The following EBF1 variants were observed in gnomAD, a reference collection of about 807,000 sequenced individuals.
The protein encoded by EBF1 is EBF transcription factor 1, also known as transcription factor COE1.
In EBF1, 10 loss-of-function variants were observed where a neutral mutation model predicts 68.4. The ratio of observed to expected loss-of-function variants is 0.15; its 90% CI spans 0.09 to 0.25. The LOEUF (loss-of-function observed/expected upper bound fraction) is 0.25, where lower values mean the gene tolerates loss of function less well. Ranked by LOEUF, EBF1 falls within the 10% of genes least tolerant of loss-of-function variation. The probability of loss-of-function intolerance (pLI) is 1.00; values close to 1 mark genes in which losing one functional copy is unlikely to be tolerated. For missense variants in EBF1, 509 were observed against 794.4 expected, an observed-to-expected ratio of 0.64 and a Z score of 4.32; for synonymous variants, 298 against 299.8, an observed-to-expected ratio of 0.99 and a Z score of 0.06.
chr5:159,059,363 GA>G (rs1328897886), intron 6 of EBF1, among the ~76,000 whole-genome samples: 2,145 of 142,038 alleles, frequency 0.015, 137 homozygotes, highest in Admixed American at 0.11. Flanking sequence ...ACAATTTGAT[GA>G]AAAAAAAAAA....
rs540551796 is a variant in EBF1 at position 159,077,091 on chromosome 5, G to A, written c.486-3627C>T. On this transcript the variant is annotated intron_variant, in intron 5 of 15. Transcript: ENST00000313708. ...GGAAGAGACAGTTTTTACAAGTATGGTTCACTCCCTCACTTCATTCAAGTC... is the reference window on the plus strand; with the variant it reads ...GGAAGAGACAGTTTTTACAAGTATGATTCACTCCCTCACTTCATTCAAGTC... Among the ~76,000 whole-genome samples the A allele has an allele frequency of 1.5e-4, 23 of 152,252 alleles. No homozygotes were observed. In the South Asian group the frequency reaches 4.8e-3, roughly 32 times the overall value.
At chr5:158,825,912 C>T (rs1310157347) in intron 7 of EBF1, among the ~76,000 whole-genome samples, 2 of 150,446 alleles carry the variant, frequency 1.3e-5, no homozygotes, top group East Asian at 1.9e-4. Context: ...ATCCACAGAG[C>T]GACTTGTAAA....
At chr5:159,090,406 G>A (rs935183867) in intron 4 of EBF1, among the ~76,000 whole-genome samples, 3 of 151,996 alleles carry the variant, frequency 2.0e-5, no homozygotes, top group Admixed American at 6.5e-5. Context: ...ATTAGTAGTG[G>A]AATAAAATAA....
chr5:158,973,696 G>T (rs533205637), intron 6 of EBF1, among the ~76,000 whole-genome samples: 2 of 152,250 alleles, frequency 1.3e-5, no homozygotes, highest in Non-Finnish European at 2.9e-5. Context: ...CACACAGAAG[G>T]CATGCAATAA....
At chr5:159,080,356 C>T (rs184032325) in intron 5 of EBF1, among the ~76,000 whole-genome samples, 61 of 152,314 alleles carry the variant, frequency 4.0e-4, no homozygotes, top group African/African-American at 1.4e-3. Flanking sequence ...GTCTCGTTAT[C>T]TGCCAACCAA....
chr5:158,879,925 C>T (rs1798557253), intron 6 of EBF1, among the ~76,000 whole-genome samples: 1 of 152,134 alleles, frequency 6.6e-6, no homozygotes, highest in African/African-American at 2.4e-5. Flanking sequence ...CTTTCTGGAA[C>T]ATCAGGGCAG....
At chr5:158,719,248 A>C (rs545910946) in intron 11 of EBF1, among the ~76,000 whole-genome samples, 2 of 152,048 alleles carry the variant, frequency 1.3e-5, no homozygotes, top group Non-Finnish European at 2.9e-5. Flanking sequence ...TTGGACTTAC[A>C]TTTTAATTTT....
At chr5:158,836,595 G>A (rs1788865696) in intron 7 of EBF1, among the ~76,000 whole-genome samples, 1 of 152,144 alleles carries the variant, frequency 6.6e-6, no homozygotes, top group South Asian at 2.1e-4. Context: ...AACTCTCGAG[G>A]CAATTCATCC....
chr5:158,769,165 G>C (rs1462508978), intron 10 of EBF1, among the ~76,000 whole-genome samples: 1 of 152,142 alleles, frequency 6.6e-6, no homozygotes, highest in East Asian at 1.9e-4. Context: ...TCTTCCTACT[G>C]TACGGTTTCA....
intron 4 of EBF1, among the ~76,000 whole-genome samples, chr5:159,086,389 A>G (rs1406944697): frequency 6.6e-6 from 1 of 152,174 alleles, no homozygotes; most frequent in African/African-American, 2.4e-5. Flanking sequence ...GAGATTCACC[A>G]GTTACCCAAT....
chr5:159,014,394 T>G (rs144007901), intron 6 of EBF1, among the ~76,000 whole-genome samples: 109 of 152,344 alleles, frequency 7.2e-4, no homozygotes, highest in African/African-American at 2.5e-3. Flanking sequence ...ATGTTTTAAA[T>G]GATGCCAACT....
intron 10 of EBF1, among the ~76,000 whole-genome samples, chr5:158,776,159 T>A (rs1775194051): frequency 6.6e-6 from 1 of 152,154 alleles, no homozygotes; most frequent in African/African-American, 2.4e-5. Flanking sequence ...TAAAAGTGAT[T>A]GGAGTGCAAA....
At chr5:158,747,721 T>TGTAG (rs759365426) in intron 10 of EBF1, among the ~76,000 whole-genome samples, 6 of 152,214 alleles carry the variant, frequency 3.9e-5, no homozygotes, top group Non-Finnish European at 8.8e-5. Context: ...CCTACATTCT[T>TGTAG]GTAATGGAAA....
intron 10 of EBF1, among the ~76,000 whole-genome samples, chr5:158,735,874 T>C (rs1765076205): frequency 6.6e-6 from 1 of 152,154 alleles, no homozygotes; most frequent in South Asian, 2.1e-4. Flanking sequence ...ACCCAGGTGG[T>C]GGTCAAGACA....
chr5:158,963,685 C>A (rs375244608), intron 6 of EBF1, among the ~76,000 whole-genome samples: 6 of 152,100 alleles, frequency 3.9e-5, no homozygotes, highest in African/African-American at 1.4e-4. Flanking sequence ...GATATTAAAT[C>A]GAAACATTTA....
At chr5:159,090,075 C>A (rs1222513100) in intron 4 of EBF1, among the ~76,000 whole-genome samples, 1 of 151,948 alleles carries the variant, frequency 6.6e-6, no homozygotes, top group Non-Finnish European at 1.5e-5. Flanking sequence ...CACAAAGTAC[C>A]TGCTGTAACC....
intron 10 of EBF1, among the ~76,000 whole-genome samples, chr5:158,745,487 AAG>A (rs1561807853): frequency 1.3e-5 from 2 of 152,194 alleles, no homozygotes; most frequent in African/African-American, 4.8e-5. Flanking sequence ...AGGTACACAG[AAG>A]ACTCTTTGTG....
At chr5:158,860,257 A>G (rs1245861916) in intron 6 of EBF1, among the ~76,000 whole-genome samples, 2 of 152,238 alleles carry the variant, frequency 1.3e-5, no homozygotes, top group Non-Finnish European at 2.9e-5. Context: ...AGTAACTACT[A>G]AGGTAGACAC....
intron 10 of EBF1, among the ~76,000 whole-genome samples, chr5:158,755,220 G>A (rs953027967): frequency 6.6e-6 from 1 of 151,742 alleles, no homozygotes; most frequent in African/African-American, 2.4e-5. Context: ...ATTTTAAGAA[G>A]ATGGAGCTCA....
Sources: gnomAD v4.1 joint callset for allele counts (sites outside exome capture counted in the v4.1 genomes callset) on GRCh38, gnomAD v4.1.1 for gene constraint, MANE v1.5 for transcripts, NCBI Gene and HGNC (gene_info 2026-07-23, HGNC 2026-07-21) for gene names.